DNM3: variants seen among roughly 807,000 people sequenced by gnomAD.
DNM3 encodes dynamin-3.
In DNM3, 47 loss-of-function variants were observed where a neutral mutation model predicts 101.6. The observed-to-expected ratio is 0.46, with a 90% confidence interval of 0.37 to 0.59. The LOEUF is 0.59. DNM3 is among the 20% of genes least tolerant of loss of function. The probability of loss-of-function intolerance (pLI) is 0.00; values close to 1 mark genes in which losing one functional copy is unlikely to be tolerated. For synonymous variants in DNM3, 385 were observed against 387.9 expected, an observed-to-expected ratio of 0.99 and a Z score of 0.09; for missense variants, 849 against 1,085.7, an observed-to-expected ratio of 0.78 and a Z score of 3.06.
At chr1:172,055,998 G>C (rs1244536780) in intron 10 of DNM3, among the ~76,000 whole-genome samples, 1 of 152,212 alleles carries the variant, frequency 6.6e-6, no homozygotes, top group African/African-American at 2.4e-5. Flanking sequence ...CCGTGCACGA[G>C]CCGAAGCAGG....
At chr1:172,269,402 C>G (rs1250891695) in intron 15 of DNM3, among the ~76,000 whole-genome samples, 1 of 152,082 alleles carries the variant, frequency 6.6e-6, no homozygotes, top group Non-Finnish European at 1.5e-5. Context: ...TAGAACAACC[C>G]CAGCTGCTAT....
At chr1:171,878,426 T>A (rs543997344) in intron 1 of DNM3, among the ~76,000 whole-genome samples, 1 of 152,056 alleles carries the variant, frequency 6.6e-6, no homozygotes, top group Admixed American at 6.6e-5. Context: ...TGTTGAGAAA[T>A]TGGATTTTTG....
intron 2 of DNM3, among the ~76,000 whole-genome samples, chr1:171,955,540 G>A (rs1248743116): frequency 6.6e-6 from 1 of 152,050 alleles, no homozygotes; most frequent in Admixed American, 6.6e-5. Flanking sequence ...AAATGATAAA[G>A]CTATTATCTA....
chr1:172,270,968 G>A (rs1271008931), intron 15 of DNM3, among the ~76,000 whole-genome samples: 1 of 152,084 alleles, frequency 6.6e-6, no homozygotes, highest in Non-Finnish European at 1.5e-5. Context: ...AAGAGTATGA[G>A]TGATATGTGT....
chr1:172,218,152 A>T (rs1001210891), intron 14 of DNM3, among the ~76,000 whole-genome samples: 35 of 152,130 alleles, frequency 2.3e-4, no homozygotes, highest in African/African-American at 7.5e-4. Flanking sequence ...GTGTTATATC[A>T]TTACAGAGAG....
At chr1:172,286,434 T>G (rs1304656257) in intron 15 of DNM3, among the ~76,000 whole-genome samples, 2 of 152,232 alleles carry the variant, frequency 1.3e-5, no homozygotes, top group Non-Finnish European at 2.9e-5. Context: ...CAACAACTTT[T>G]TAAAAATGAC....
intron 13 of DNM3, among the ~76,000 whole-genome samples, chr1:172,097,452 G>T (rs17350579): frequency 0.23 from 34,396 of 151,994 alleles, 4,249 homozygotes; most frequent in Non-Finnish European, 0.28. Context: ...GAATATGTTT[G>T]TGCTTATTGG....
intron 16 of DNM3, among the ~76,000 whole-genome samples, chr1:172,317,004 G>C (rs2065405391): frequency 6.6e-6 from 1 of 152,102 alleles, no homozygotes; most frequent in Non-Finnish European, 1.5e-5. Context: ...GCTCTCCTCA[G>C]CAAATTAAAA....
intron 6 of DNM3, among the ~76,000 whole-genome samples, chr1:172,034,168 A>G (rs2048803938): frequency 6.6e-6 from 1 of 152,188 alleles, no homozygotes. Context: ...AATTTTAGAA[A>G]ATAAAAAATT....
intron 16 of DNM3, among the ~76,000 whole-genome samples, chr1:172,312,260 T>C (rs1237626311): frequency 6.6e-6 from 1 of 152,202 alleles, no homozygotes; most frequent in African/African-American, 2.4e-5. Flanking sequence ...TACAAATCAG[T>C]CAATTGCTAC....
chr1:172,253,526 TCTCCTCTCC>T (rs1159003991), intron 14 of DNM3, 38 bp from the exon 15 acceptor site: 22 of 1,127,928 alleles, frequency 2.0e-5, no homozygotes, highest in Non-Finnish European at 2.5e-5. Flanking sequence ...TCTCCTCTCC[TCTCCTCTCC>T]TCTCCTCTCC....
chr1:172,024,240 A>C (rs1204137184), intron 4 of DNM3, among the ~76,000 whole-genome samples: 1 of 152,206 alleles, frequency 6.6e-6, no homozygotes, highest in African/African-American at 2.4e-5. Context: ...AAAAGTAATA[A>C]TATCCATTGA....
chr1:171,974,171 A>G (rs1267969156), intron 2 of DNM3, among the ~76,000 whole-genome samples: 2 of 152,194 alleles, frequency 1.3e-5, no homozygotes, highest in Non-Finnish European at 2.9e-5. Context: ...ACTACTAAGT[A>G]TTATTAAATA....
intron 20 of DNM3, among the ~76,000 whole-genome samples, chr1:172,398,394 A>G (rs986946821): frequency 8.5e-5 from 13 of 152,320 alleles, no homozygotes; most frequent in African/African-American, 3.1e-4. Context: ...TATTGGCCTC[A>G]TCCACGTACA....
At chr1:172,062,201 A>G (rs796178747) in intron 10 of DNM3, among the ~76,000 whole-genome samples, 19 of 152,258 alleles carry the variant, frequency 1.2e-4, no homozygotes, top group African/African-American at 4.6e-4. Context: ...TTAACTGCTC[A>G]TTAATATGTC....
chr1:172,292,251 T>G (rs947791322), intron 15 of DNM3, among the ~76,000 whole-genome samples: 4 of 152,214 alleles, frequency 2.6e-5, no homozygotes, highest in African/African-American at 9.6e-5. Flanking sequence ...CCCCATTTTA[T>G]AGGTAGGTTA....
intron 12 of DNM3, among the ~76,000 whole-genome samples, chr1:172,085,742 G>A (rs1279323188): frequency 3.9e-5 from 6 of 152,042 alleles, no homozygotes; most frequent in African/African-American, 7.2e-5. Flanking sequence ...CTCTATTGCC[G>A]TTTTACTGAA....
In DNM3 at chr1:172,114,220, A is replaced by C. The variant is rs183021414; in HGVS notation, c.1546-16955A>C. The stretch of plus-strand genomic sequence containing the variant: ...AGGGATGGTATAAGGTGAGTTCTGC[A>C]TGACAAGTCGTGGCTAACCATGCAA... On this transcript the variant is annotated intron_variant, in intron 13 of 20. Coordinates refer to ENST00000627582, the MANE Select transcript of DNM3 (RefSeq NM_015569.5). Among the ~76,000 whole-genome samples the C allele has an allele frequency of 1.3e-3, 202 of 152,320 alleles. 2 individuals carry two copies. The highest frequency in any genetic ancestry group is 2.5e-3 in the Non-Finnish European group (170 of 68,022).
chr1:172,061,271 A>C (rs1269505597), intron 10 of DNM3, among the ~76,000 whole-genome samples: 3 of 147,094 alleles, frequency 2.0e-5, no homozygotes, highest in Non-Finnish European at 4.5e-5. Flanking sequence ...TAGTTCAACC[A>C]TTGTGGAAGT....
Sources: gnomAD v4.1 joint callset for allele counts (sites outside exome capture counted in the v4.1 genomes callset) on GRCh38, gnomAD v4.1.1 for gene constraint, MANE v1.5 for transcripts, NCBI Gene and HGNC (gene_info 2026-07-23, HGNC 2026-07-21) for gene names.